ATP6V1H: variants seen among roughly 807,000 people sequenced by gnomAD.
ATP6V1H encodes ATPase H+ transporting V1 subunit H.
In ATP6V1H, 39 loss-of-function variants were observed where a neutral mutation model predicts 71.7. That is an observed-to-expected ratio of 0.54 (90% CI 0.42 to 0.71). The LOEUF is 0.71. Among genes scored for constraint, ATP6V1H ranks in the 30% least tolerant of loss-of-function variants. The pLI is 0.00. For missense variants in ATP6V1H, 509 were observed against 594.9 expected (o/e 0.86, Z 1.50); for synonymous variants, 192 against 199.3 (o/e 0.96, Z 0.31).
chr8:53,793,175 T>G (rs917499262), intron 9 of ATP6V1H, among the ~76,000 whole-genome samples: 1 of 152,240 alleles, frequency 6.6e-6, no homozygotes, highest in Non-Finnish European at 1.5e-5. Flanking sequence ...TCAGCCTCAT[T>G]CATTATTAAC....
At chr8:53,735,103 G>A (rs938678401) in intron 13 of ATP6V1H, among the ~76,000 whole-genome samples, 2 of 152,184 alleles carry the variant, frequency 1.3e-5, no homozygotes, top group African/African-American at 2.4e-5. Context: ...AGGTCCAGCC[G>A]TTCTGCCCGG....
intron 9 of ATP6V1H, among the ~76,000 whole-genome samples, chr8:53,775,723 GCACTCACAAACC>G (rs1808854370): frequency 6.6e-6 from 1 of 152,134 alleles, no homozygotes. Flanking sequence ...GTCGATTGGT[GCACTCACAAACC>G]TTGAGCTAGA....
At chr8:53,778,474 C>T (rs1400892004) in intron 9 of ATP6V1H, among the ~76,000 whole-genome samples, 1 of 152,178 alleles carries the variant, frequency 6.6e-6, no homozygotes, top group Non-Finnish European at 1.5e-5. Flanking sequence ...ACCAATCTCA[C>T]TTCATCCCCT....
intron 12 of ATP6V1H, among the ~76,000 whole-genome samples, chr8:53,755,179 C>T (rs1347199775): frequency 6.6e-6 from 1 of 152,128 alleles, no homozygotes; most frequent in Non-Finnish European, 1.5e-5. Context: ...AGAGGCAGTT[C>T]ACTGGAAACA....
chr8:53,751,679 T>C (rs1452836096), intron 12 of ATP6V1H, among the ~76,000 whole-genome samples: 1 of 151,950 alleles, frequency 6.6e-6, no homozygotes, highest in Non-Finnish European at 1.5e-5. Flanking sequence ...ATTTCTTTTT[T>C]TTTTTTTCGA....
chr8:53,809,548 T>C (rs960179314), intron 7 of ATP6V1H, among the ~76,000 whole-genome samples: 11 of 152,222 alleles, frequency 7.2e-5, no homozygotes, highest in African/African-American at 2.7e-4. Context: ...TGTATATGAA[T>C]CTACCAGGTA....
intron 2 of ATP6V1H, among the ~76,000 whole-genome samples, chr8:53,836,908 A>G (rs1049644599): frequency 4.6e-5 from 7 of 152,198 alleles, no homozygotes; most frequent in Non-Finnish European, 1.0e-4. Context: ...TGGGAGACAG[A>G]GCCGGGTGGA....
intron 11 of ATP6V1H, 118 bp from the exon 12 acceptor site, chr8:53,756,774 T>C: frequency 1.6e-6 from 1 of 618,384 alleles, no homozygotes; most frequent in South Asian, 2.7e-5. Flanking sequence ...ATATTCATAT[T>C]CTTCTAAGGA....
At position 53,797,044 on chromosome 8, in the gene ATP6V1H, T is replaced by C. The variant is rs546318017; in HGVS notation, c.678-1205A>G. On this transcript the variant is annotated intron_variant, in intron 8 of 13. Transcript: ENST00000359530. Reference sequence around the variant, plus strand: ...AAACTTGCTTTTTAATTAATATTGATATCAGTACATAAACTGCTATAAAAT... The same window carrying C: ...AAACTTGCTTTTTAATTAATATTGACATCAGTACATAAACTGCTATAAAAT... Among the ~76,000 whole-genome samples the C allele has an allele frequency of 2.0e-5, 3 of 152,362 alleles. No individual in the cohort carries two copies. The South Asian group carries it at 6.2e-4, about 32-fold the overall frequency.
chr8:53,830,251 G>A (rs779092299), intron 3 of ATP6V1H, among the ~76,000 whole-genome samples: 1 of 152,150 alleles, frequency 6.6e-6, no homozygotes, highest in African/African-American at 2.4e-5. Flanking sequence ...TAGGTTTGGA[G>A]TCATACATTG....
At position 53,795,913 on chromosome 8, in the gene ATP6V1H, T is replaced by C. The variant is rs574493973; in HGVS notation, c.678-74A>G. The C allele has an allele frequency of 3.7e-6, 5 of 1,342,962 alleles. No homozygotes were observed. The South Asian group carries it at 4.2e-5, about 11-fold the overall frequency. The allele number at this position is 1,342,962 out of a possible 1,614,324, so 83.2% of individuals were successfully genotyped here. On this transcript the variant is annotated intron_variant, in intron 8 of 13. Transcript: ENST00000359530. ...GAAGAAATAAGCAATTATTCTCTTT[T>C]TGCACTAATGGAACAGGTCTCTCTG...
chr8:53,806,957 G>A lies in ATP6V1H; in HGVS notation c.579+4207C>T, dbSNP rs1585809030. On this transcript the variant is annotated intron_variant, in intron 7 of 13. Coordinates refer to ENST00000359530, the MANE Select transcript of ATP6V1H (RefSeq NM_015941.4). ...CAACTGTAAAGTTGAAAAATCATAAGTTGGACCATCGTAGGGCAGGGACTG... is the reference window on the plus strand; with the variant it reads ...CAACTGTAAAGTTGAAAAATCATAAATTGGACCATCGTAGGGCAGGGACTG... 6 of 426,954 alleles carry A rather than the reference G, an allele frequency of 1.4e-5. No homozygotes were observed. In the East Asian group the frequency reaches 4.3e-4, roughly 31 times the overall value. The allele number at this position is 426,954 out of a possible 1,614,324, so 26.4% of individuals were successfully genotyped here.
intron 11 of ATP6V1H, among the ~76,000 whole-genome samples, chr8:53,763,398 A>T (rs1585758850): frequency 6.6e-6 from 1 of 152,264 alleles, no homozygotes; most frequent in Non-Finnish European, 1.5e-5. Context: ...TGCAAAACTT[A>T]TTTTCTGAAA....
intron 7 of ATP6V1H, among the ~76,000 whole-genome samples, chr8:53,809,194 T>A (rs1347175076): frequency 1.3e-5 from 2 of 152,166 alleles, no homozygotes; most frequent in Admixed American, 6.5e-5. Context: ...ATCCATAAAA[T>A]GCGGCTAATG....
intron 11 of ATP6V1H, among the ~76,000 whole-genome samples, chr8:53,768,895 C>T (rs1037723965): frequency 7.9e-5 from 12 of 151,932 alleles, no homozygotes; most frequent in African/African-American, 2.7e-4. Flanking sequence ...CTGAATTCTA[C>T]GGTTTAAACA....
At chr8:53,832,745 A>C (rs1006277184) in intron 3 of ATP6V1H, 2 of 323,716 alleles carry the variant, frequency 6.2e-6, no homozygotes, top group Non-Finnish European at 1.1e-5. Flanking sequence ...AAGAAAAGTT[A>C]AGCAACTTTT....
chr8:53,838,634 T>C (rs1283844742), intron 2 of ATP6V1H, among the ~76,000 whole-genome samples: 1 of 152,220 alleles, frequency 6.6e-6, no homozygotes, highest in Non-Finnish European at 1.5e-5. Flanking sequence ...AAGGATGGCA[T>C]TTTATAATTC....
chr8:53,778,468 A>G (rs995433988), intron 9 of ATP6V1H, among the ~76,000 whole-genome samples: 1 of 152,112 alleles, frequency 6.6e-6, no homozygotes, highest in African/African-American at 2.4e-5. Flanking sequence ...CCATTAACCA[A>G]TCTCACTTCA....
intron 3 of ATP6V1H, 31 bp from the exon 4 acceptor site, chr8:53,829,564 T>C: frequency 2.2e-6 from 3 of 1,388,812 alleles, no homozygotes; most frequent in African/African-American, 1.5e-5. Context: ...AAAGTTATTG[T>C]TTTTATTTGC....
Sources: allele counts gnomAD v4.1 joint callset (sites outside exome capture counted in the v4.1 genomes callset), GRCh38; gene constraint gnomAD v4.1.1; transcripts MANE v1.5; gene names NCBI Gene and HGNC (gene_info 2026-07-23, HGNC 2026-07-21).